SMC6: variants seen among roughly 807,000 people sequenced by gnomAD.
The protein encoded by SMC6 is structural maintenance of chromosomes 6, also known as structural maintenance of chromosomes protein 6.
SMC6 carries 79 observed loss-of-function variants against 142.2 expected under a neutral mutation model. That is an observed-to-expected ratio of 0.56 (90% confidence interval 0.46 to 0.67). SMC6 has a LOEUF of 0.67. Among genes scored for constraint, SMC6 ranks in the 30% least tolerant of loss-of-function variants. The pLI is 0.00. For synonymous variants in SMC6, 411 were observed against 412.4 expected, an observed-to-expected ratio of 1.00 and a Z score of 0.04; for missense variants, 1,072 against 1,284.0, an observed-to-expected ratio of 0.83 and a Z score of 2.52.
intron 4 of SMC6, among the ~76,000 whole-genome samples, chr2:17,739,417 G>T (rs1670315599): frequency 6.6e-6 from 1 of 152,104 alleles, no homozygotes; most frequent in African/African-American, 2.4e-5. Context: ...GGCCAAGGCA[G>T]GTGGATCACT....
rs1423534612 is a variant in SMC6 at position 17,716,856 on chromosome 2, A to G, written c.1231T>C (p.Ser411Pro). Residue 411 changes from serine (S) to proline (P), a missense_variant, in exon 14 of 28, where the codon TCT becomes CCT. Ser to Pro is a moderately conservative substitution (Grantham distance 74). Coordinates refer to ENST00000448223, the MANE Select transcript of SMC6 (RefSeq NM_001142286.2). ...GCCTTTACTCTCTCTTTTAACCAAGATATTTTTTTTTGTCTTTCCAACCGT... is the reference window on the plus strand; with the variant it reads ...GCCTTTACTCTCTCTTTTAACCAAGGTATTTTTTTTTGTCTTTCCAACCGT... ...PERLERQKKI[S>P]WLKERVKAFQ... 1.2e-6 allele frequency: 2 copies of G among 1,612,534 alleles called. No homozygotes were observed. The highest frequency in any genetic ancestry group is 1.7e-6 in the Non-Finnish European group (2 of 1,179,576).
chr2:17,686,759 AGT>A (rs1218253596), intron 23 of SMC6, among the ~76,000 whole-genome samples: 41 of 152,214 alleles, frequency 2.7e-4, no homozygotes, highest in Admixed American at 2.7e-3. Flanking sequence ...TGTGTGAATT[AGT>A]GTAAGAAAAC....
chr2:17,704,598 T>A (rs1668416781), intron 18 of SMC6, among the ~76,000 whole-genome samples: 1 of 152,168 alleles, frequency 6.6e-6, no homozygotes, highest in African/African-American at 2.4e-5. Context: ...CTGGCCATAT[T>A]CCACTAAGAT....
intron 23 of SMC6, among the ~76,000 whole-genome samples, chr2:17,694,262 G>C (rs1667887575): frequency 6.6e-6 from 1 of 152,122 alleles, no homozygotes; most frequent in African/African-American, 2.4e-5. Flanking sequence ...CACGCAGTTA[G>C]ATAGAATAAG....
intron 20 of SMC6, among the ~76,000 whole-genome samples, 178 bp downstream of exon 20, chr2:17,701,651 T>C (rs1043891630): frequency 1.3e-5 from 2 of 152,064 alleles, no homozygotes; most frequent in Non-Finnish European, 2.9e-5. Context: ...ACACAAAACA[T>C]TAAAAAATAT....
chr2:17,694,968 T>C (rs1667921376), intron 23 of SMC6, among the ~76,000 whole-genome samples, 184 bp downstream of exon 23: 1 of 152,222 alleles, frequency 6.6e-6, no homozygotes, highest in Admixed American at 6.5e-5. Flanking sequence ...AGTTTTGTAA[T>C]AGTTCAGAAG....
intron 25 of SMC6, among the ~76,000 whole-genome samples, chr2:17,672,348 A>C (rs1666798926): frequency 6.6e-6 from 1 of 152,214 alleles, no homozygotes. Context: ...AGATGACAAC[A>C]TCAGAAAGTC....
At chr2:17,725,894 C>A (rs1479036517) in intron 8 of SMC6, among the ~76,000 whole-genome samples, 6 of 151,842 alleles carry the variant, frequency 4.0e-5, no homozygotes, top group African/African-American at 1.5e-4. Flanking sequence ...TTGAGACCAG[C>A]CTGGCCAAAC....
intron 23 of SMC6, among the ~76,000 whole-genome samples, chr2:17,689,266 C>T (rs1191730986): frequency 6.6e-6 from 1 of 151,946 alleles, no homozygotes; most frequent in East Asian, 1.9e-4. Flanking sequence ...GAAAAAATAT[C>T]GTATAAAATC....
chr2:17,676,506 A>C (rs185566252), intron 25 of SMC6, among the ~76,000 whole-genome samples: 36 of 152,248 alleles, frequency 2.4e-4, no homozygotes, highest in African/African-American at 7.0e-4. Flanking sequence ...CTTCATTTTC[A>C]AAGTTGTTTT....
At chr2:17,725,548 T>C (rs1669574285) in intron 8 of SMC6, among the ~76,000 whole-genome samples, 190 bp from the exon 9 acceptor site, 1 of 152,192 alleles carries the variant, frequency 6.6e-6, no homozygotes, top group Non-Finnish European at 1.5e-5. Flanking sequence ...CTGAACCTAC[T>C]ATGCTCACAT....
intron 16 of SMC6, among the ~76,000 whole-genome samples, chr2:17,712,713 A>G (rs1424678963): frequency 6.6e-6 from 1 of 152,250 alleles, no homozygotes; most frequent in Non-Finnish European, 1.5e-5. Flanking sequence ...TTAAAATAAT[A>G]TAGCCAGTTT....
In SMC6 at chr2:17,726,407, A is replaced by G; in HGVS notation, c.606T>C (p.Asn202=). The G allele has an allele frequency of 1.2e-6, 2 of 1,611,924 alleles. No homozygotes were observed. The highest frequency in any genetic ancestry group is 1.7e-6 in the Non-Finnish European group (2 of 1,179,296). ...EMSKQFLQSK[N]EGDKYKFFMK... ...CACTTACTTTGTATTTGTCTCCTTCATTTTTAGACTGTAAGAACTGCTTGC... is the reference window on the plus strand; with the variant it reads ...CACTTACTTTGTATTTGTCTCCTTCGTTTTTAGACTGTAAGAACTGCTTGC... Residue 202 remains asparagine (N), a synonymous_variant, in exon 8 of 28, where the codon AAT becomes AAC. Transcript: ENST00000448223.
intron 2 of SMC6, among the ~76,000 whole-genome samples, chr2:17,746,940 C>T (rs1991314): frequency 0.036 from 5,470 of 152,222 alleles, 281 homozygotes; most frequent in African/African-American, 0.11. Context: ...TATTAGACCA[C>T]AGCAACCCTC....
chr2:17,695,424 T>TCTTA, intron 22 of SMC6, 127 bp from the exon 23 acceptor site: 1 of 689,866 alleles, frequency 1.4e-6, no homozygotes, highest in Non-Finnish European at 2.3e-6. Flanking sequence ...TAATTACATT[T>TCTTA]AATATCAATG....
chr2:17,695,251 A>G lies in SMC6; in HGVS notation c.2579T>C (p.Val860Ala). 1 of 1,613,506 alleles carries G rather than the reference A, an allele frequency of 6.2e-7. No homozygotes were observed. Among genetic ancestry groups the G allele is most frequent in the Non-Finnish European group, 8.5e-7 (1 of 1,179,768 alleles). ...ARQICPERIE[V>A]EKSASILDKE... ...GTCCAGAATTGATGCAGATTTTTCTACTTCTATACGCTCTGGGCAGATTTG... is the reference window on the plus strand; with the variant it reads ...GTCCAGAATTGATGCAGATTTTTCTGCTTCTATACGCTCTGGGCAGATTTG... Residue 860 changes from valine (V) to alanine (A), a missense_variant, in exon 23 of 28, where the codon GTA (valine) becomes GCA (alanine). This residue lies in a region of SMC6 where 994 missense variants were observed against 1,153.2 expected (regional missense o/e 0.86). Transcript: ENST00000448223.
At chr2:17,724,745 A>G (rs1669533383) in intron 9 of SMC6, among the ~76,000 whole-genome samples, 1 of 152,214 alleles carries the variant, frequency 6.6e-6, no homozygotes. Flanking sequence ...GTGAGTAAGG[A>G]TGTCATAGCT....
At chr2:17,732,900 G>C (rs187137772) in intron 5 of SMC6, among the ~76,000 whole-genome samples, 14 of 151,824 alleles carry the variant, frequency 9.2e-5, no homozygotes, top group Admixed American at 9.2e-4. Flanking sequence ...CATATTTTAA[G>C]ATCTATAGGA....
At chr2:17,720,808 A>T in intron 11 of SMC6, 132 bp downstream of exon 11, 3 of 740,278 alleles carry the variant, frequency 4.1e-6, no homozygotes, top group East Asian at 2.7e-5. Flanking sequence ...GGTCTATTTC[A>T]CCTAAGCAAT....
Sources: allele counts gnomAD v4.1 joint callset (sites outside exome capture counted in the v4.1 genomes callset), GRCh38; gene constraint gnomAD v4.1.1; regional missense constraint gnomAD v4.1.1; transcripts MANE v1.5; gene names NCBI Gene and HGNC (gene_info 2026-07-23, HGNC 2026-07-21).